Variants in NCLN observed in about 807,000 individuals in gnomAD.
NCLN encodes the protein BOS complex subunit NCLN.
A neutral mutation model predicts 69.5 loss-of-function variants in NCLN; 34 were observed. That is an observed-to-expected ratio of 0.49 (90% CI 0.37 to 0.65). The LOEUF (loss-of-function observed/expected upper bound fraction) is 0.65. Among genes scored for constraint, NCLN ranks in the 30% least tolerant of loss-of-function variants. NCLN has a pLI of 0.00. For missense variants in NCLN, 710 were observed against 804.8 expected (o/e 0.88, Z 1.42); for synonymous variants, 393 against 358.3 (o/e 1.10, Z -1.09).
intron 4 of NCLN, 62 bp downstream of exon 4, chr19:3,196,339 C>A: frequency 7.8e-7 from 1 of 1,275,346 alleles, no homozygotes; most frequent in Non-Finnish European, 1.1e-6. Flanking sequence ...ATCCGCCTGG[C>A]TCCCCGGCTC....
rs1391728717 is a variant in NCLN at position 3,199,182 on chromosome 19, GGGTGCCGTGGCTCCACACGAGGCCTC to G, written c.696+286_696+311del. On this transcript the variant is annotated intron_variant, in intron 5 of 14. Coordinates refer to ENST00000246117, the MANE Select transcript of NCLN (RefSeq NM_020170.4). Reference sequence around the variant, plus strand: ...AGTCAGGGTTCCCCGGGCCAGCGCTGGGTGCCGTGGCTCCACACGAGGCCTCCTCGAGGCTGTGGTTTGTCCCAGCG... The same window carrying G: ...AGTCAGGGTTCCCCGGGCCAGCGCTGCTCGAGGCTGTGGTTTGTCCCAGCG... 5.3e-5 allele frequency among the ~76,000 whole-genome samples: 8 copies of G among 152,378 alleles called. No homozygotes were observed. In the East Asian group the frequency reaches 1.2e-3, roughly 22 times the overall value.
rs780510624 is a variant in NCLN at position 3,203,890 on chromosome 19, G to A, written c.889+46G>A. ...GTGGGGGTGCCGCGGTGGTGGTGCCGTGGGGAGGCACGGAGGCCCAGGGGT... is the reference window on the plus strand; with the variant it reads ...GTGGGGGTGCCGCGGTGGTGGTGCCATGGGGAGGCACGGAGGCCCAGGGGT... On this transcript the variant is annotated intron_variant, in intron 7 of 14. Transcript: ENST00000246117. The A allele has an allele frequency of 8.1e-6, 13 of 1,597,564 alleles. No homozygotes were observed. The East Asian group carries it at 1.8e-4, about 22-fold the overall frequency.
intron 3 of NCLN, among the ~76,000 whole-genome samples, chr19:3,195,245 G>T (rs311614): frequency 0.42 from 62,868 of 149,834 alleles, 13,189 homozygotes; most frequent in East Asian, 0.53. Flanking sequence ...ATATCTTTTT[G>T]TTTTGTTTTG....
At chr19:3,206,946 T>C (rs1916286593) in intron 12 of NCLN, among the ~76,000 whole-genome samples, 1 of 152,132 alleles carries the variant, frequency 6.6e-6, no homozygotes, top group Non-Finnish European at 1.5e-5. Flanking sequence ...CTCGGTCTCC[T>C]GAGTAGCTGG....
At chr19:3,192,868 C>T (rs1915863963) in intron 2 of NCLN, among the ~76,000 whole-genome samples, 2 of 152,156 alleles carry the variant, frequency 1.3e-5, no homozygotes, top group South Asian at 4.1e-4. Flanking sequence ...GAGGGCCGCT[C>T]CGGGCGTGGA....
chr19:3,207,135 A>T (rs1282598608), intron 12 of NCLN, 63 bp from the exon 13 acceptor site: 1 of 1,589,938 alleles, frequency 6.3e-7, no homozygotes, highest in African/African-American at 1.3e-5. Flanking sequence ...CCATCTCTAC[A>T]AACCCTTTTT....
chr19:3,198,016 A>G (rs1043422188), intron 4 of NCLN, among the ~76,000 whole-genome samples: 2 of 152,244 alleles, frequency 1.3e-5, no homozygotes, highest in Non-Finnish European at 2.9e-5. Context: ...CTGGTCCCCA[A>G]GGCTGAAAAT....
chr19:3,194,746 T>TC lies in NCLN; in HGVS notation c.520+1318_520+1319insC, dbSNP rs1192295818. On this transcript the variant is annotated intron_variant, in intron 3 of 14. Coordinates refer to ENST00000246117, the MANE Select transcript of NCLN (RefSeq NM_020170.4). Reference sequence around the variant, plus strand: ...AAGAAGGAAAGAGGAGTCGTCTTCTTTTTTTTTTTTTTTTTCTTTTATGAG... The same window carrying TC: ...AAGAAGGAAAGAGGAGTCGTCTTCTTCTTTTTTTTTTTTTTTCTTTTATGAG... 4.1e-5 allele frequency among the ~76,000 whole-genome samples: 6 copies of TC among 147,290 alleles called. No individual in the cohort carries two copies. The East Asian group carries it at 5.9e-4, about 14-fold the overall frequency.
rs1412810726 is a variant in NCLN, at chr19:3,206,378, C to T, written c.1452C>T (p.Ser484=). ...TCAGCACGCTGGAGCACCACCTGAGCCGCTACCTGAAGGACGTGAAGCAGC... is the reference window on the plus strand; with the variant it reads ...TCAGCACGCTGGAGCACCACCTGAGTCGCTACCTGAAGGACGTGAAGCAGC... ...TFLSTLEHHL[S]RYLKDVKQHH... The change falls in exon 12 of 15, where the codon AGC becomes AGT. Residue 484 remains serine, a synonymous_variant. Transcript: ENST00000246117. 3.9e-6 allele frequency: 6 copies of T among 1,548,136 alleles called. No individual in the cohort carries two copies. The highest frequency in any genetic ancestry group is 5.2e-6 in the Non-Finnish European group (6 of 1,146,960).
At chr19:3,191,040 G>A (rs904431076) in intron 1 of NCLN, among the ~76,000 whole-genome samples, 15 of 145,208 alleles carry the variant, frequency 1.0e-4, no homozygotes, top group Admixed American at 6.8e-4. Context: ...GTCGTGGTGC[G>A]TGGCGGGCAG....
At position 3,192,654 on chromosome 19, in the gene NCLN, C is replaced by T. The variant is rs748641946; in HGVS notation, c.369C>T (p.Val123=). ...CCATGGCCGCCGTGCCCCAGGACGT[C>T]GTCCGGGTGAGCGTCTGCCCTGCCC... is the stretch of plus-strand genomic sequence containing the variant. ...PRAMAAVPQD[V]VRQFMEIEPE... The change falls in exon 2 of 15, where the codon GTC becomes GTT. Residue 123 remains valine, a synonymous_variant. Coordinates refer to ENST00000246117, the MANE Select transcript of NCLN (RefSeq NM_020170.4). The T allele has an allele frequency of 1.3e-5, 20 of 1,553,714 alleles. No individual in the cohort carries two copies. The East Asian group carries it at 3.1e-4, about 24-fold the overall frequency.
intron 4 of NCLN, among the ~76,000 whole-genome samples, chr19:3,198,232 C>T (rs58969474): frequency 1.3e-5 from 2 of 152,186 alleles, no homozygotes; most frequent in African/African-American, 4.8e-5. Context: ...CCTGGCCGGG[C>T]GCGGTGGCTC....
In NCLN at chr19:3,186,294, C is replaced by T. The variant is rs1262614126; in HGVS notation, c.184+80C>T. On this transcript the variant is annotated intron_variant, in intron 1 of 14. Coordinates refer to ENST00000246117, the MANE Select transcript of NCLN (RefSeq NM_020170.4). ...CCGGCCCGGCGATCCCCAGGCCGAT[C>T]CCTAGCTCCGGCCTGGGCTGCCCGA... 3.7e-6 allele frequency: 5 copies of T among 1,351,360 alleles called. No individual in the cohort carries two copies. The African/African-American group carries it at 7.7e-5, about 21-fold the overall frequency. The allele number at this position is 1,351,360 out of a possible 1,614,324, so 83.7% of individuals were successfully genotyped here.
At chr19:3,203,911 G>A in intron 7 of NCLN, 67 bp downstream of exon 7, 1 of 1,580,882 alleles carries the variant, frequency 6.3e-7, no homozygotes, top group Non-Finnish European at 8.6e-7. Flanking sequence ...CGGAGGCCCA[G>A]GGGTTGCCAT....
At chr19:3,204,461 C>G in intron 8 of NCLN, 112 bp from the exon 9 acceptor site, 1 of 1,214,984 alleles carries the variant, frequency 8.2e-7, no homozygotes, top group Non-Finnish European at 1.1e-6. Context: ...AGGTGGATTT[C>G]TCCTCATTTT....
chr19:3,196,031 G>T (rs985489048), intron 3 of NCLN, 152 bp from the exon 4 acceptor site: 3 of 509,176 alleles, frequency 5.9e-6, no homozygotes, highest in Non-Finnish European at 1.1e-5. Context: ...GGGAGCACGG[G>T]CATCCTGTGG....
At chr19:3,187,071 C>T (rs1358552065) in intron 1 of NCLN, among the ~76,000 whole-genome samples, 1 of 152,168 alleles carries the variant, frequency 6.6e-6, no homozygotes, top group East Asian at 1.9e-4. Context: ...GATGCATACC[C>T]ACGCCCTCAG....
intron 9 of NCLN, among the ~76,000 whole-genome samples, chr19:3,204,986 C>A (rs1041349795): frequency 2.0e-5 from 3 of 152,192 alleles, no homozygotes; most frequent in Admixed American, 1.3e-4. Flanking sequence ...CCATATAGGA[C>A]CCCCAGACCC....
chr19:3,186,302 C>A, intron 1 of NCLN, 88 bp downstream of exon 1: 1 of 1,322,816 alleles, frequency 7.6e-7, no homozygotes, highest in African/African-American at 1.5e-5. Flanking sequence ...ATCCCTAGCT[C>A]CGGCCTGGGC....
Sources: gnomAD v4.1 joint callset for allele counts (sites outside exome capture counted in the v4.1 genomes callset) on GRCh38, gnomAD v4.1.1 for gene constraint, MANE v1.5 for transcripts, NCBI Gene and HGNC (gene_info 2026-07-23, HGNC 2026-07-21) for gene names.